Variants in UBE2E3 observed in about 807,000 individuals in gnomAD.
UBE2E3 encodes ubiquitin conjugating enzyme E2 E3, also known as ubiquitin-conjugating enzyme E2 E3.
A neutral mutation model predicts 23.6 loss-of-function variants in UBE2E3; 5 were observed. That is an observed-to-expected ratio of 0.21 (90% CI 0.11 to 0.44). The LOEUF (loss-of-function observed/expected upper bound fraction) is 0.44, where lower values mean the gene tolerates loss of function less well. UBE2E3 is among the 20% of genes least tolerant of loss of function. The probability of loss-of-function intolerance (pLI) is 0.99; values close to 1 mark genes in which losing one functional copy is unlikely to be tolerated. For missense variants in UBE2E3, 81 were observed against 249.8 expected, an observed-to-expected ratio of 0.32 and a Z score of 4.55; for synonymous variants, 78 against 87.5, an observed-to-expected ratio of 0.89 and a Z score of 0.60.
intron 3 of UBE2E3, among the ~76,000 whole-genome samples, chr2:181,047,953 G>GT (rs113967842): frequency 0.23 from 35,287 of 151,974 alleles, 4,464 homozygotes; most frequent in Non-Finnish European, 0.28. Flanking sequence ...TCATTAGGTC[G>GT]TTTCATTGTA....
chr2:181,010,148 A>G (rs1354061516), intron 3 of UBE2E3, among the ~76,000 whole-genome samples: 3 of 152,156 alleles, frequency 2.0e-5, no homozygotes, highest in Non-Finnish European at 2.9e-5. Context: ...TACTCCTACC[A>G]TAATGGTGTA....
chr2:181,062,517 T>C (rs1211517352), intron 5 of UBE2E3, among the ~76,000 whole-genome samples: 1 of 151,686 alleles, frequency 6.6e-6, no homozygotes, highest in Non-Finnish European at 1.5e-5. Flanking sequence ...CAAAATAGTT[T>C]TTGTATATTA....
chr2:181,055,672 A>G (rs1366125336), intron 3 of UBE2E3, among the ~76,000 whole-genome samples: 2 of 141,096 alleles, frequency 1.4e-5, no homozygotes, highest in Non-Finnish European at 1.5e-5. Flanking sequence ...CTATCCTGCA[A>G]TAGTTAAATG....
At chr2:181,021,668 T>TTCCTTCCTTCC (rs1685706096) in intron 3 of UBE2E3, among the ~76,000 whole-genome samples, 3 of 31,570 alleles carry the variant, frequency 9.5e-5, no homozygotes, top group Non-Finnish European at 1.9e-4. Flanking sequence ...TCCTTCCTTC[T>TTCCTTCCTTCC]TTCCTTCCTT....
Position 181,034,708 on chromosome 2 carries a change from A to G in UBE2E3, c.246-22985A>G, listed in dbSNP as rs13432382. Among the ~76,000 whole-genome samples the G allele has an allele frequency of 9.6e-3, 1,454 of 152,216 alleles. 16 individuals are homozygous for G. Among genetic ancestry groups the G allele is most frequent in the African/African-American group, 0.033 (1,355 of 41,544 alleles). ...AATTAAAAAGAAATTTCCTGGAACT[A>G]GCATGTCAGAATACCATTTTATGTC... On this transcript the variant is annotated intron_variant, in intron 3 of 5. Transcript: ENST00000410062.
intron 3 of UBE2E3, among the ~76,000 whole-genome samples, chr2:181,046,880 A>T (rs1208406979): frequency 6.6e-6 from 1 of 152,014 alleles, no homozygotes; most frequent in Non-Finnish European, 1.5e-5. Flanking sequence ...CCCAGTTTTG[A>T]CTTATTGGGC....
chr2:181,030,816 G>A (rs545619012), intron 3 of UBE2E3, among the ~76,000 whole-genome samples: 3 of 152,082 alleles, frequency 2.0e-5, no homozygotes, highest in South Asian at 2.1e-4. Flanking sequence ...AGGAATTAGA[G>A]CATTTATTTT....
intron 3 of UBE2E3, among the ~76,000 whole-genome samples, chr2:181,055,534 CCTGGATTTTAGGA>C (rs1686965362): frequency 6.6e-6 from 1 of 151,670 alleles, no homozygotes; most frequent in Non-Finnish European, 1.5e-5. Flanking sequence ...GCCAACACTA[CCTGGATTTTAGGA>C]CTGGATTTTA....
chr2:181,025,193 A>G (rs975684186), intron 3 of UBE2E3, among the ~76,000 whole-genome samples: 1 of 151,972 alleles, frequency 6.6e-6, no homozygotes, highest in Non-Finnish European at 1.5e-5. Flanking sequence ...ATTTGTCCAG[A>G]AACCAGACTA....
At chr2:181,036,281 T>C (rs1056428471) in intron 3 of UBE2E3, among the ~76,000 whole-genome samples, 1 of 152,206 alleles carries the variant, frequency 6.6e-6, no homozygotes, top group African/African-American at 2.4e-5. Flanking sequence ...GGTCAGTTGA[T>C]TTTCAGCAGA....
At chr2:181,021,555 C>CCTTA (rs1388620696) in intron 3 of UBE2E3, among the ~76,000 whole-genome samples, 2 of 50,202 alleles carry the variant, frequency 4.0e-5, no homozygotes, top group Non-Finnish European at 8.7e-5. Context: ...AAATATACTC[C>CCTTA]CTTCCTTCCT....
intron 3 of UBE2E3, among the ~76,000 whole-genome samples, chr2:181,015,314 A>G (rs145094079): frequency 3.3e-5 from 5 of 152,174 alleles, no homozygotes; most frequent in African/African-American, 7.2e-5. Flanking sequence ...GCTTTATCAC[A>G]TAGCTTATAT....
At chr2:181,020,993 G>T (rs1685652442) in intron 3 of UBE2E3, among the ~76,000 whole-genome samples, 1 of 151,994 alleles carries the variant, frequency 6.6e-6, no homozygotes, top group African/African-American at 2.4e-5. Flanking sequence ...TTCAATATTT[G>T]TGTATGCATT....
At chr2:181,001,834 G>T (rs1185772227) in intron 3 of UBE2E3, among the ~76,000 whole-genome samples, 1 of 152,050 alleles carries the variant, frequency 6.6e-6, no homozygotes, top group Non-Finnish European at 1.5e-5. Flanking sequence ...TTAATATACT[G>T]TTTTCAAGTA....
chr2:180,980,390 G>A (rs1249956615), upstream of UBE2E3: 1 of 151,682 alleles, frequency 6.6e-6, no homozygotes, highest in African/African-American at 2.4e-5. The surrounding 1 kb of genome is among the most constrained non-coding windows in gnomAD (Gnocchi z 5.5). Flanking sequence ...GGGCGGCAGG[G>A]GCCAGCCCGC....
intron 3 of UBE2E3, among the ~76,000 whole-genome samples, chr2:181,009,626 A>G (rs1408365764): frequency 6.6e-6 from 1 of 151,948 alleles, no homozygotes; most frequent in Non-Finnish European, 1.5e-5. Flanking sequence ...GTATACACCA[A>G]AATAAACACT....
chr2:181,035,414 A>G (rs1000348517), intron 3 of UBE2E3, among the ~76,000 whole-genome samples: 2 of 152,172 alleles, frequency 1.3e-5, no homozygotes, highest in African/African-American at 2.4e-5. Flanking sequence ...TTTATAAAAA[A>G]TATGAATTAC....
intron 3 of UBE2E3, among the ~76,000 whole-genome samples, chr2:181,012,757 T>C (rs934527160): frequency 6.6e-6 from 1 of 152,202 alleles, no homozygotes; most frequent in African/African-American, 2.4e-5. Context: ...TTTTGAATTA[T>C]GGTGTTAAAC....
chr2:181,038,870 G>A (rs930665092), intron 3 of UBE2E3, among the ~76,000 whole-genome samples: 1 of 152,066 alleles, frequency 6.6e-6, no homozygotes, highest in African/African-American at 2.4e-5. Context: ...AAACCACGAT[G>A]AAATACAACT....
Sources: gnomAD v4.1 joint callset for allele counts (sites outside exome capture counted in the v4.1 genomes callset) on GRCh38, gnomAD v4.1.1 for gene constraint, Gnocchi (gnomAD v3.1) non-coding constraint, MANE v1.5 for transcripts, NCBI Gene and HGNC (gene_info 2026-07-23, HGNC 2026-07-21) for gene names.